The following CACNA2D1 variants were observed in gnomAD, a reference collection of about 807,000 sequenced individuals.
CACNA2D1 encodes calcium voltage-gated channel auxiliary subunit alpha2delta 1.
A neutral mutation model predicts 171.5 loss-of-function variants in CACNA2D1; 53 were observed. The ratio of observed to expected loss-of-function variants is 0.31; its 90% CI spans 0.25 to 0.39. CACNA2D1 has a LOEUF of 0.39. CACNA2D1 is among the 10% of genes least tolerant of loss of function. CACNA2D1 has a pLI of 1.00. For missense variants in CACNA2D1, 903 were observed against 1,299.8 expected (o/e 0.69, Z 4.69); for synonymous variants, 442 against 443.1 (o/e 1.00, Z 0.03).
Position 81,956,499 on chromosome 7 carries a change from G to A in CACNA2D1, c.3159+2776C>T, listed in dbSNP as rs145777720. Among the ~76,000 whole-genome samples the A allele has an allele frequency of 2.3e-3, 349 of 152,038 alleles. 2 individuals are homozygous for A. The highest frequency in any genetic ancestry group is 7.8e-3 in the African/African-American group (323 of 41,412). ...TTGACTACCTATGAACTTCTTTCAG[G>A]AATTAATAATAATTCAAATAATTGC... On this transcript the variant is annotated intron_variant, in intron 38 of 38. Coordinates refer to ENST00000356860, the MANE Select transcript of CACNA2D1 (RefSeq NM_000722.4).
At chr7:82,383,132 A>C (rs2129449580) in intron 1 of CACNA2D1, among the ~76,000 whole-genome samples, 1 of 152,328 alleles carries the variant, frequency 6.6e-6, no homozygotes, top group Admixed American at 6.5e-5. Context: ...GCCGTTTAGA[A>C]CACAGCCTTG....
At position 81,946,808 on chromosome 7, in the gene CACNA2D1, T is replaced by C. The variant is rs1792085165; in HGVS notation, c.*3584A>G. 1 of 152,092 alleles carries C rather than the reference T, an allele frequency of 6.6e-6. No homozygotes were observed. Among genetic ancestry groups the C allele is most frequent in the Non-Finnish European group, 1.5e-5 (1 of 67,990 alleles). The allele number at this position is 152,092 out of a possible 1,614,324, so 9.4% of individuals were successfully genotyped here. On this transcript the variant is annotated 3_prime_UTR_variant, in exon 39 of 39. Coordinates refer to ENST00000356860, the MANE Select transcript of CACNA2D1 (RefSeq NM_000722.4). ...CCATTAGTTTCAGTGGAATTTGAGA[T>C]AACTGTGTGAACTAGAAATAAGGTA... is the stretch of plus-strand genomic sequence containing the variant.
chr7:82,050,299 G>A (rs1473945140), intron 10 of CACNA2D1: 2 of 365,588 alleles, frequency 5.5e-6, no homozygotes, highest in East Asian at 4.6e-5. Flanking sequence ...GCCTCCTACA[G>A]TGTCATAGAT....
chr7:82,090,134 G>A (rs1217466649), intron 6 of CACNA2D1, among the ~76,000 whole-genome samples: 2 of 152,012 alleles, frequency 1.3e-5, no homozygotes, highest in East Asian at 3.8e-4. Flanking sequence ...GAAGTTGGGG[G>A]AATTAATTTA....
At chr7:82,017,115 A>C (rs913499675) in intron 12 of CACNA2D1, among the ~76,000 whole-genome samples, 1 of 152,104 alleles carries the variant, frequency 6.6e-6, no homozygotes, top group African/African-American at 2.4e-5. Flanking sequence ...ATATACACAC[A>C]CATACAAACA....
At chr7:82,340,782 T>G (rs1260219427) in intron 2 of CACNA2D1, among the ~76,000 whole-genome samples, 1 of 152,128 alleles carries the variant, frequency 6.6e-6, no homozygotes, top group Non-Finnish European at 1.5e-5. Context: ...AATATCGAAA[T>G]GAACATACAT....
chr7:81,981,407 C>T (rs528753538), intron 24 of CACNA2D1, among the ~76,000 whole-genome samples: 4 of 152,096 alleles, frequency 2.6e-5, no homozygotes, highest in Admixed American at 6.6e-5. Flanking sequence ...CTCAAGGATA[C>T]GGGCATTCAA....
At chr7:82,409,512 C>G (rs1045124423) in intron 1 of CACNA2D1, among the ~76,000 whole-genome samples, 1 of 152,154 alleles carries the variant, frequency 6.6e-6, no homozygotes, top group Non-Finnish European at 1.5e-5. Context: ...TGATTCTCAA[C>G]TTTGGCTACA....
intron 3 of CACNA2D1, 66 bp downstream of exon 3, chr7:82,335,069 G>C: frequency 9.9e-7 from 1 of 1,013,442 alleles, no homozygotes. Flanking sequence ...CCTCAATAGA[G>C]CATGAAAATT....
At chr7:82,081,020 T>C (rs1357648086) in intron 7 of CACNA2D1, among the ~76,000 whole-genome samples, 1 of 152,210 alleles carries the variant, frequency 6.6e-6, no homozygotes, top group East Asian at 1.9e-4. Context: ...TTCCACTTTT[T>C]CAAATTTAAT....
At chr7:82,426,832 GCTCT>G (rs925867257) in intron 1 of CACNA2D1, among the ~76,000 whole-genome samples, 1 of 151,986 alleles carries the variant, frequency 6.6e-6, no homozygotes, top group Non-Finnish European at 1.5e-5. Context: ...TCAAGGTTTT[GCTCT>G]CTCTCTTTCT....
intron 18 of CACNA2D1, among the ~76,000 whole-genome samples, chr7:81,997,740 C>T (rs1050121603): frequency 6.6e-6 from 1 of 150,950 alleles, no homozygotes; most frequent in Non-Finnish European, 1.5e-5. Context: ...TCTATTGGAC[C>T]TGTTCTTCCT....
chr7:82,435,030 C>CTTTTT lies in CACNA2D1; in HGVS notation c.95+8330_95+8334dup, dbSNP rs764179836. Among the ~76,000 whole-genome samples, 39 of 84,354 alleles carry CTTTTT rather than the reference C, an allele frequency of 4.6e-4. 2 individuals carry two copies. Among genetic ancestry groups the CTTTTT allele is most frequent in the Admixed American group, 4.8e-4 (3 of 6,246 alleles). The allele number at this position is 84,354 out of a possible 152,430, so 55.3% of individuals were successfully genotyped here. On this transcript the variant is annotated intron_variant, in intron 1 of 38. Coordinates refer to ENST00000356860, the MANE Select transcript of CACNA2D1 (RefSeq NM_000722.4). ...TTTGTCTCCAAACTCTCTTCAGATA[C>CTTTTT]TTTTTTTTTTTTTTTTTTTTTTTGA...
rs2229952 is a variant in CACNA2D1, at chr7:82,038,152, C to T, written c.963G>A (p.Ala321=). The T allele has an allele frequency of 0.039, 63,667 of 1,612,970 alleles. 1,550 individuals are homozygous for T. The highest frequency in any genetic ancestry group is 0.044 in the Middle Eastern group (269 of 6,052). The part of the protein sequence containing the change: ...NVRNKKVLKD[A]VNNITAKGIT... Reference sequence around the variant, plus strand: ...TTCCTTTGGCTGTGATATTATTCACCGCGTCTTTCAACACTTTTTTATTTC... The same window carrying T: ...TTCCTTTGGCTGTGATATTATTCACTGCGTCTTTCAACACTTTTTTATTTC... Residue 321 remains alanine, a synonymous_variant, in exon 11 of 39, where the codon GCG becomes GCA. Transcript: ENST00000356860.
chr7:81,975,525 A>C lies in CACNA2D1; in HGVS notation c.1956-973T>G, dbSNP rs531807369. On this transcript the variant is annotated intron_variant, in intron 24 of 38. Coordinates refer to ENST00000356860, the MANE Select transcript of CACNA2D1 (RefSeq NM_000722.4). ...AGATATTGCGGCTGTTCTGTTTTTGATAACATACTGAAACTTGTTTATTTG... is the reference window on the plus strand; with the variant it reads ...AGATATTGCGGCTGTTCTGTTTTTGCTAACATACTGAAACTTGTTTATTTG... Among the ~76,000 whole-genome samples the C allele has an allele frequency of 8.5e-5, 13 of 152,240 alleles. No individual in the cohort carries two copies. In the East Asian group the frequency reaches 2.5e-3, roughly 29 times the overall value.
chr7:82,017,798 C>T (rs1458956796), intron 12 of CACNA2D1, among the ~76,000 whole-genome samples: 2 of 151,988 alleles, frequency 1.3e-5, no homozygotes, highest in African/African-American at 2.4e-5. Context: ...AAATGACATA[C>T]AAAAATAACT....
intron 11 of CACNA2D1, among the ~76,000 whole-genome samples, chr7:82,035,775 T>G (rs1348894424): frequency 6.6e-6 from 1 of 152,172 alleles, no homozygotes; most frequent in East Asian, 1.9e-4. Flanking sequence ...ATTATTGACT[T>G]AAGCAAAAAA....
At chr7:82,101,853 T>G (rs1055075063) in intron 6 of CACNA2D1, among the ~76,000 whole-genome samples, 7 of 152,222 alleles carry the variant, frequency 4.6e-5, no homozygotes, top group African/African-American at 1.7e-4. Flanking sequence ...TTCAATTATT[T>G]TTGTCATAAA....
chr7:82,030,225 A>C (rs770784247), intron 12 of CACNA2D1, among the ~76,000 whole-genome samples: 1 of 151,822 alleles, frequency 6.6e-6, no homozygotes, highest in Non-Finnish European at 1.5e-5. Context: ...AGAAGCTTTA[A>C]ACCCATAAAT....
Sources: gnomAD v4.1 joint callset for allele counts (sites outside exome capture counted in the v4.1 genomes callset) on GRCh38, gnomAD v4.1.1 for gene constraint, MANE v1.5 for transcripts, NCBI Gene and HGNC (gene_info 2026-07-23, HGNC 2026-07-21) for gene names.